SCARB1: variants seen among roughly 807,000 people sequenced by gnomAD.
SCARB1 encodes CD36 and LIMPII analogous 1.
In SCARB1, 30 loss-of-function variants were observed where a neutral mutation model predicts 57.2. That is an observed-to-expected ratio of 0.52 (90% confidence interval 0.39 to 0.71). The LOEUF (loss-of-function observed/expected upper bound fraction) is 0.71, where lower values mean the gene tolerates loss of function less well. Ranked by LOEUF, SCARB1 falls within the 30% of genes least tolerant of loss-of-function variation. SCARB1 has a pLI of 0.00. For synonymous variants in SCARB1, 249 were observed against 268.3 expected (o/e 0.93, Z 0.70); for missense variants, 543 against 671.2 (o/e 0.81, Z 2.11).
rs1212592145 is a variant in SCARB1 at position 124,807,959 on chromosome 12, C to T, written c.843-32G>A. The T allele has an allele frequency of 6.2e-7, 1 of 1,611,192 alleles. No homozygotes were observed. Among genetic ancestry groups the T allele is most frequent in the Admixed American group, 1.7e-5 (1 of 59,992 alleles). ...GGGACAGACAGGATGAGAGGGGACACCCAGACCCGGCGGCCAGAGCCAGGC... is the reference window on the plus strand; with the variant it reads ...GGGACAGACAGGATGAGAGGGGACATCCAGACCCGGCGGCCAGAGCCAGGC... On this transcript the variant is annotated intron_variant, in intron 6 of 12. Coordinates refer to ENST00000261693, the MANE Select transcript of SCARB1 (RefSeq NM_005505.5). This position sits in a 1 kb window ranked among gnomAD's most constrained non-coding sequence, Gnocchi z 5.3.
At chr12:124,827,737 G>A (rs554576337) in intron 1 of SCARB1, among the ~76,000 whole-genome samples, 3 of 152,148 alleles carry the variant, frequency 2.0e-5, no homozygotes, top group South Asian at 4.1e-4. Flanking sequence ...TCACCCCTTC[G>A]AATCTCTGCT....
At chr12:124,827,951 T>C (rs927006324) in intron 1 of SCARB1, among the ~76,000 whole-genome samples, 13 of 152,152 alleles carry the variant, frequency 8.5e-5, no homozygotes, top group Non-Finnish European at 1.3e-4. Context: ...TGGCGATGTG[T>C]CTGTCCTCAG....
At chr12:124,802,756 G>A (rs1950178947) in intron 7 of SCARB1, among the ~76,000 whole-genome samples, 1 of 152,232 alleles carries the variant, frequency 6.6e-6, no homozygotes, top group African/African-American at 2.4e-5. Flanking sequence ...TGCCACCGAT[G>A]ATAATTAGTT....
chr12:124,787,316 T>G (rs113303636), intron 10 of SCARB1, 90 bp downstream of exon 10: 11 of 1,237,124 alleles, frequency 8.9e-6, no homozygotes, highest in African/African-American at 7.4e-5. Flanking sequence ...CCCTCTCCCT[T>G]TCTACAAGCT....
intron 1 of SCARB1, among the ~76,000 whole-genome samples, chr12:124,827,038 G>A (rs957252848): frequency 2.6e-5 from 4 of 152,136 alleles, no homozygotes; most frequent in Non-Finnish European, 4.4e-5. Context: ...GCCACCGTCC[G>A]AACATTGGCC....
chr12:124,805,116 AGAAGAG>A (rs1191469897), intron 7 of SCARB1, among the ~76,000 whole-genome samples: 5 of 114,046 alleles, frequency 4.4e-5, no homozygotes, highest in African/African-American at 1.6e-4. Flanking sequence ...CACCAAGACA[AGAAGAG>A]GAAGACAAGA....
chr12:124,851,320 A>G (rs543764672), intron 1 of SCARB1, among the ~76,000 whole-genome samples: 3 of 152,190 alleles, frequency 2.0e-5, no homozygotes, highest in South Asian at 2.1e-4. Context: ...CTAGAATCGC[A>G]TTCAGCCTGT....
chr12:124,839,230 C>A (rs544906810), intron 1 of SCARB1: 64 of 456,168 alleles, frequency 1.4e-4, no homozygotes, highest in South Asian at 9.8e-4. Flanking sequence ...TCTCCCCCAG[C>A]CCCTGGCACC....
intron 1 of SCARB1, among the ~76,000 whole-genome samples, chr12:124,851,304 C>G (rs1387777671): frequency 6.6e-6 from 1 of 152,160 alleles, no homozygotes; most frequent in Admixed American, 6.5e-5. Flanking sequence ...ACATAGGAAT[C>G]TAATTCTAGA....
At chr12:124,795,103 T>C (rs1949896755) in intron 9 of SCARB1, 92 bp downstream of exon 9, 1 of 1,069,866 alleles carries the variant, frequency 9.3e-7, no homozygotes. Context: ...CCCTGGTTCC[T>C]GGGGTATGTC....
At chr12:124,792,509 G>T (rs1949768531) in intron 9 of SCARB1, among the ~76,000 whole-genome samples, 1 of 151,980 alleles carries the variant, frequency 6.6e-6, no homozygotes, top group African/African-American at 2.4e-5. Context: ...ATCACCTGAG[G>T]TCACAAGTTC....
At position 124,787,426 on chromosome 12, in the gene SCARB1, G is replaced by C. The variant is rs1348505277; in HGVS notation, c.1234C>G (p.Pro412Ala). 6.2e-7 allele frequency: 1 copy of C among 1,613,792 alleles called. No individual in the cohort carries two copies. Among genetic ancestry groups the C allele is most frequent in the African/African-American group, 1.3e-5 (1 of 75,036 alleles). Residue 412 changes from proline to alanine, a missense_variant, in exon 10 of 13, where the codon CCG becomes GCG. Coordinates refer to ENST00000261693, the MANE Select transcript of SCARB1 (RefSeq NM_005505.5). ...QTGKIEPVVLPLLWFAESGAM... is the reference protein window; with the variant it reads ...QTGKIEPVVLALLWFAESGAM... ...CTTACCTCTGCAAACCAGAGCAGCGGCAGGACCACAGGCTCAATCTTCCCA... is the reference window on the plus strand; with the variant it reads ...CTTACCTCTGCAAACCAGAGCAGCGCCAGGACCACAGGCTCAATCTTCCCA...
chr12:124,792,844 C>T (rs932909221), intron 9 of SCARB1, among the ~76,000 whole-genome samples: 13 of 151,832 alleles, frequency 8.6e-5, no homozygotes, highest in Non-Finnish European at 2.9e-5. Context: ...TGTGGCCACA[C>T]TGAGCCCGCA....
At position 124,789,938 on chromosome 12, in the gene SCARB1, G is replaced by A. The variant is rs970353605; in HGVS notation, c.1203-2481C>T. Reference sequence around the variant, plus strand: ...AGGCAGGAGAATCACTTGAACCAGGGAGTCAGAGGTTGCAGTGAGCGGAGA... The same window carrying A: ...AGGCAGGAGAATCACTTGAACCAGGAAGTCAGAGGTTGCAGTGAGCGGAGA... On this transcript the variant is annotated intron_variant, in intron 9 of 12. Transcript: ENST00000261693. The surrounding 1 kb of genome is among the most constrained non-coding windows in gnomAD (Gnocchi z 4.4). Among the ~76,000 whole-genome samples, 2 of 150,496 alleles carry A rather than the reference G, an allele frequency of 1.3e-5. No individual in the cohort carries two copies. Among genetic ancestry groups the A allele is most frequent in the Non-Finnish European group, 2.9e-5 (2 of 67,976 alleles).
intron 1 of SCARB1, among the ~76,000 whole-genome samples, chr12:124,858,766 C>T (rs2135859183): frequency 2.0e-5 from 3 of 152,030 alleles, no homozygotes; most frequent in Middle Eastern, 6.8e-3. Flanking sequence ...GTAGTCCCAG[C>T]TACTCAGGAG....
chr12:124,810,293 G>A lies in SCARB1; in HGVS notation c.727-4C>T, dbSNP rs763522774. On this transcript the variant is annotated splice_region_variant and splice_polypyrimidine_tract_variant and intron_variant, in intron 5 of 12. Transcript: ENST00000261693. This position sits in a 1 kb window ranked among gnomAD's most constrained non-coding sequence, Gnocchi z 4.0. ...GATCGGAATGCCAGAAGTCAACCTG[G>A]GGGGAAGCATCCAGACTAGACCCCT... is the stretch of plus-strand genomic sequence containing the variant. 2.5e-6 allele frequency: 4 copies of A among 1,608,274 alleles called. No homozygotes were observed. The highest frequency in any genetic ancestry group is 3.4e-6 in the Non-Finnish European group (4 of 1,174,716).
At chr12:124,848,054 C>A (rs954432859) in intron 1 of SCARB1, among the ~76,000 whole-genome samples, 12 of 152,148 alleles carry the variant, frequency 7.9e-5, no homozygotes, top group African/African-American at 2.4e-4. Context: ...CATGAGGCAA[C>A]CAGACACAGC....
intron 8 of SCARB1, among the ~76,000 whole-genome samples, chr12:124,798,186 G>C (rs1209934467): frequency 2.0e-5 from 3 of 152,338 alleles, no homozygotes; most frequent in African/African-American, 7.2e-5. Flanking sequence ...CGAGGTGGAC[G>C]GATCACTTGA....
At chr12:124,830,054 G>C (rs1951326128) in intron 1 of SCARB1, among the ~76,000 whole-genome samples, 1 of 152,184 alleles carries the variant, frequency 6.6e-6, no homozygotes, top group East Asian at 1.9e-4. Context: ...AGCAGAATAG[G>C]AGATAGGAGA....
Sources: allele counts gnomAD v4.1 joint callset (sites outside exome capture counted in the v4.1 genomes callset), GRCh38; gene constraint gnomAD v4.1.1; non-coding constraint Gnocchi (gnomAD v3.1); transcripts MANE v1.5; gene names NCBI Gene and HGNC (gene_info 2026-07-23, HGNC 2026-07-21).